AFG2A: variants seen among roughly 807,000 people sequenced by gnomAD.
The protein encoded by AFG2A is ATPase family gene 2 protein homolog A.
At chr4:122,955,323 C>A in the AFG2A span, among the ~76,000 whole-genome samples, 1 of 152,168 alleles carries the variant, frequency 6.6e-6, no homozygotes, top group Non-Finnish European at 1.5e-5. Flanking sequence ...CCACTCCCAC[C>A]GTAATGGCAT....
At chr4:123,189,437 G>T in the AFG2A span, among the ~76,000 whole-genome samples, 3 of 152,042 alleles carry the variant, frequency 2.0e-5, no homozygotes, top group African/African-American at 7.3e-5. Context: ...GAGCCCTTTG[G>T]ATGCCTTTTT....
chr4:123,218,981 T>C, the AFG2A span, among the ~76,000 whole-genome samples: 14 of 152,368 alleles, frequency 9.2e-5, no homozygotes, highest in Non-Finnish European at 1.9e-4. Flanking sequence ...AGCCATTTAT[T>C]ATCTAGATCT....
chr4:123,129,196 C>T, the AFG2A span, among the ~76,000 whole-genome samples: 3 of 152,140 alleles, frequency 2.0e-5, no homozygotes, highest in African/African-American at 7.2e-5. Context: ...CAAGTATTAA[C>T]TAATATGGTA....
the AFG2A span, among the ~76,000 whole-genome samples, chr4:123,062,551 A>G: frequency 6.6e-6 from 1 of 151,004 alleles, no homozygotes; most frequent in South Asian, 2.1e-4. Context: ...CTTACTATGT[A>G]AGATATATAT....
chr4:123,224,073 C>G, the AFG2A span, among the ~76,000 whole-genome samples: 1 of 151,996 alleles, frequency 6.6e-6, no homozygotes, highest in Non-Finnish European at 1.5e-5. Flanking sequence ...AATCTTTAAT[C>G]CTTTTTGAGT....
At chr4:123,268,081 T>C in the AFG2A span, among the ~76,000 whole-genome samples, 35 of 152,158 alleles carry the variant, frequency 2.3e-4, no homozygotes, top group East Asian at 6.0e-3. Flanking sequence ...CAGTTTCCAA[T>C]TGGTATTTCG....
At chr4:123,114,880 CTG>C in the AFG2A span, among the ~76,000 whole-genome samples, 1 of 152,232 alleles carries the variant, frequency 6.6e-6, no homozygotes, top group East Asian at 1.9e-4. Flanking sequence ...AGGGCTAGTC[CTG>C]TGAGTCCCAG....
chr4:123,279,259 T>C, the AFG2A span, among the ~76,000 whole-genome samples: 1 of 151,768 alleles, frequency 6.6e-6, no homozygotes, highest in East Asian at 1.9e-4. Context: ...CTACTAAAAA[T>C]ACAAAAATGA....
chr4:123,169,359 G>A, the AFG2A span, among the ~76,000 whole-genome samples: 5 of 151,988 alleles, frequency 3.3e-5, no homozygotes, highest in South Asian at 2.1e-4. Flanking sequence ...ACCAACCTAC[G>A]GCATGCCTAT....
the AFG2A span, among the ~76,000 whole-genome samples, chr4:123,173,483 G>A: frequency 4.0e-5 from 6 of 150,698 alleles, no homozygotes; most frequent in South Asian, 2.1e-4. Flanking sequence ...AGCCTCCCGA[G>A]TAGCTGGGCT....
chr4:123,168,921 A>G, the AFG2A span, among the ~76,000 whole-genome samples: 169 of 152,332 alleles, frequency 1.1e-3, 1 homozygote, highest in East Asian at 0.012. Context: ...ATCTTATGAC[A>G]TGATTTGTTT....
At chr4:123,029,471 T>C in the AFG2A span, among the ~76,000 whole-genome samples, 8 of 152,238 alleles carry the variant, frequency 5.3e-5, no homozygotes, top group Non-Finnish European at 1.2e-4. Flanking sequence ...TTAAGATTTT[T>C]ATAGAATGAT....
At chr4:123,229,138 T>A in the AFG2A span, among the ~76,000 whole-genome samples, 333 of 152,052 alleles carry the variant, frequency 2.2e-3, 2 homozygotes, top group Middle Eastern at 0.014. Context: ...TTTAAGTATT[T>A]AAAAAAATAG....
the AFG2A span, among the ~76,000 whole-genome samples, chr4:123,025,742 T>C: frequency 6.6e-6 from 1 of 152,220 alleles, no homozygotes; most frequent in African/African-American, 2.4e-5. Flanking sequence ...AACGTTGTTG[T>C]ATACCAATAT....
the AFG2A span, among the ~76,000 whole-genome samples, chr4:123,077,799 GT>G: frequency 6.6e-6 from 1 of 152,120 alleles, no homozygotes; most frequent in Non-Finnish European, 1.5e-5. Context: ...GTTGTTTCTT[GT>G]TTTTGTTCTT....
chr4:123,164,810 A>G, the AFG2A span, among the ~76,000 whole-genome samples: 1 of 152,182 alleles, frequency 6.6e-6, no homozygotes, highest in Non-Finnish European at 1.5e-5. Flanking sequence ...CAGACCAAGT[A>G]TTCTGGTTCC....
the AFG2A span, among the ~76,000 whole-genome samples, chr4:123,002,895 A>C: frequency 5.3e-5 from 8 of 152,274 alleles, no homozygotes; most frequent in South Asian, 1.7e-3. Flanking sequence ...TATCCTGCAG[A>C]GTGTTTTCCA....
chr4:123,294,837 G>A, the AFG2A span, among the ~76,000 whole-genome samples: 2 of 152,120 alleles, frequency 1.3e-5, no homozygotes, highest in African/African-American at 4.8e-5. Flanking sequence ...AGGGGCCAAG[G>A]ATAATACATC....
chr4:123,122,450 T>C, the AFG2A span, among the ~76,000 whole-genome samples: 1 of 152,218 alleles, frequency 6.6e-6, no homozygotes, highest in South Asian at 2.1e-4. Flanking sequence ...AACTATTGAA[T>C]ATATTATGTA....
Sources: allele counts gnomAD v4.1 joint callset (sites outside exome capture counted in the v4.1 genomes callset), GRCh38; gene constraint gnomAD v4.1.1; transcripts MANE v1.5; gene names NCBI Gene and HGNC (gene_info 2026-07-23, HGNC 2026-07-21).